TMTC1: variants seen among roughly 807,000 people sequenced by gnomAD.
TMTC1 encodes transmembrane O-mannosyltransferase targeting cadherins 1, also known as protein O-mannosyl-transferase TMTC1.
TMTC1 carries 73 observed loss-of-function variants against 104.8 expected under a neutral mutation model. The ratio of observed to expected loss-of-function variants is 0.70; its 90% CI spans 0.58 to 0.85. TMTC1 has a LOEUF of 0.85. Ranked by LOEUF, TMTC1 falls within the 40% of genes least tolerant of loss-of-function variation. TMTC1 has a pLI of 0.00. For synonymous variants in TMTC1, 434 were observed against 428.7 expected, an observed-to-expected ratio of 1.01 and a Z score of -0.15; for missense variants, 1,035 against 1,096.1, an observed-to-expected ratio of 0.94 and a Z score of 0.79.
intron 5 of TMTC1, among the ~76,000 whole-genome samples, chr12:29,728,054 T>A (rs570181216): frequency 6.6e-6 from 1 of 152,304 alleles, no homozygotes; most frequent in East Asian, 1.9e-4. Context: ...TTCGAAAAAG[T>A]AGGAGCTTTA....
rs188222942 is a variant in TMTC1 at position 29,645,495 on chromosome 12, C to T, written c.939-12159G>A. Among the ~76,000 whole-genome samples the T allele has an allele frequency of 2.6e-4, 39 of 152,268 alleles. No homozygotes were observed. The East Asian group carries it at 6.4e-3, about 25-fold the overall frequency. On this transcript the variant is annotated intron_variant, in intron 5 of 17. Transcript: ENST00000539277. ...TTGTCTTTCTGACCTTTTACATGTGCCATTAATATAGTAATCTTATTAATA... is the reference window on the plus strand; with the variant it reads ...TTGTCTTTCTGACCTTTTACATGTGTCATTAATATAGTAATCTTATTAATA...
intron 6 of TMTC1, among the ~76,000 whole-genome samples, chr12:29,608,827 C>T (rs916750641): frequency 6.6e-6 from 1 of 152,106 alleles, no homozygotes; most frequent in Non-Finnish European, 1.5e-5. Flanking sequence ...TTCTCAGAGC[C>T]GTAAATTGCC....
chr12:29,750,813 C>A (rs1943072019), intron 5 of TMTC1, among the ~76,000 whole-genome samples: 1 of 152,316 alleles, frequency 6.6e-6, no homozygotes, highest in African/African-American at 2.4e-5. Flanking sequence ...AAAATGAAAC[C>A]AAGCTTAACC....
intron 1 of TMTC1, among the ~76,000 whole-genome samples, chr12:29,775,966 G>T (rs1202691538): frequency 6.6e-6 from 1 of 152,070 alleles, no homozygotes; most frequent in Non-Finnish European, 1.5e-5. Context: ...CAAGGGATCA[G>T]AAGTTTCCTC....
intron 5 of TMTC1, among the ~76,000 whole-genome samples, chr12:29,727,790 G>A (rs79661318): frequency 2.2e-3 from 235 of 108,378 alleles, no homozygotes; most frequent in African/African-American, 6.2e-3. Flanking sequence ...GCAGTTTTTT[G>A]TTTTGTTTTG....
In TMTC1 at chr12:29,783,874, G is replaced by A; in HGVS notation, c.-123C>T. The stretch of plus-strand genomic sequence containing the variant: ...GCTCGGGCATGGTGCTGCGGCAGCT[G>A]GACCCGCCGCGAGCTCCCCGCGCTC... On this transcript the variant is annotated 5_prime_UTR_variant, in exon 1 of 18. Coordinates refer to ENST00000539277, the MANE Select transcript of TMTC1 (RefSeq NM_001193451.2). This position sits in a 1 kb window ranked among gnomAD's most constrained non-coding sequence, Gnocchi z 4.7. 1 of 959,474 alleles carries A rather than the reference G, an allele frequency of 1.0e-6. No homozygotes were observed. The highest frequency in any genetic ancestry group is 1.3e-6 in the Non-Finnish European group (1 of 791,332). The allele number at this position is 959,474 out of a possible 1,614,324, so 59.4% of individuals were successfully genotyped here.
intron 10 of TMTC1, among the ~76,000 whole-genome samples, chr12:29,546,521 C>A (rs1215560435): frequency 6.6e-6 from 1 of 152,096 alleles, no homozygotes; most frequent in Non-Finnish European, 1.5e-5. Context: ...ATGCATATTC[C>A]TCTTTCTGTC....
intron 17 of TMTC1, among the ~76,000 whole-genome samples, chr12:29,511,614 G>T (rs1943839427): frequency 6.6e-6 from 1 of 152,172 alleles, no homozygotes; most frequent in South Asian, 2.1e-4. Context: ...GGGAGAAAAG[G>T]TATATTAGAC....
chr12:29,728,957 C>T (rs1195570705), intron 5 of TMTC1, among the ~76,000 whole-genome samples: 2 of 145,338 alleles, frequency 1.4e-5, no homozygotes, highest in Non-Finnish European at 3.0e-5. Flanking sequence ...GAGATCACAC[C>T]ACTGCACTCC....
chr12:29,708,354 A>T (rs2136826544), intron 5 of TMTC1, among the ~76,000 whole-genome samples: 2 of 152,344 alleles, frequency 1.3e-5, no homozygotes, highest in Middle Eastern at 6.8e-3. Context: ...TTTATTTATT[A>T]AATAAATGCA....
At chr12:29,557,101 A>ACAC (rs1056467360) in intron 9 of TMTC1, 101 bp from the exon 10 acceptor site, 26 of 1,283,216 alleles carry the variant, frequency 2.0e-5, no homozygotes, top group Non-Finnish European at 1.1e-6. Context: ...CCAAAATGAA[A>ACAC]CACTGAATTA....
At chr12:29,567,988 C>T (rs1027060179) in intron 9 of TMTC1, among the ~76,000 whole-genome samples, 3 of 152,122 alleles carry the variant, frequency 2.0e-5, no homozygotes, top group African/African-American at 7.2e-5. Flanking sequence ...GTACTCAATC[C>T]TTTATTACTT....
chr12:29,624,740 C>T (rs1056228800), intron 6 of TMTC1, among the ~76,000 whole-genome samples: 5 of 152,180 alleles, frequency 3.3e-5, no homozygotes, highest in Admixed American at 3.3e-4. Context: ...CAAATCAAGA[C>T]ATATTTTAAG....
chr12:29,772,891 A>G (rs1943626219), intron 1 of TMTC1, among the ~76,000 whole-genome samples: 1 of 152,174 alleles, frequency 6.6e-6, no homozygotes. Flanking sequence ...TTGTCATTGT[A>G]TCCATCTCAC....
intron 2 of TMTC1, among the ~76,000 whole-genome samples, chr12:29,761,572 T>C (rs1213896126): frequency 2.7e-5 from 2 of 75,184 alleles, no homozygotes; most frequent in Non-Finnish European, 5.2e-5. Flanking sequence ...TACATATCCA[T>C]GCATTTCTCG....
chr12:29,724,906 T>C (rs1213790045), intron 5 of TMTC1, among the ~76,000 whole-genome samples: 4 of 151,222 alleles, frequency 2.6e-5, no homozygotes, highest in Non-Finnish European at 5.9e-5. Flanking sequence ...AAATAGATTA[T>C]ACAAAAGTAA....
chr12:29,715,775 G>C (rs1367101170), intron 5 of TMTC1, among the ~76,000 whole-genome samples: 2 of 152,092 alleles, frequency 1.3e-5, no homozygotes, highest in Non-Finnish European at 2.9e-5. Flanking sequence ...TCTTCACAGG[G>C]TGGCAGGAGA....
At chr12:29,619,368 G>A (rs1170680573) in intron 6 of TMTC1, among the ~76,000 whole-genome samples, 4 of 152,180 alleles carry the variant, frequency 2.6e-5, no homozygotes, top group African/African-American at 4.8e-5. Context: ...CACATGACAC[G>A]AGGAAAGAGG....
intron 5 of TMTC1, among the ~76,000 whole-genome samples, chr12:29,673,950 G>T (rs1234990350): frequency 6.6e-6 from 1 of 151,588 alleles, no homozygotes; most frequent in African/African-American, 2.4e-5. Context: ...GTAGAGACAG[G>T]GTTTCTCCAG....
Sources: gnomAD v4.1 joint callset for allele counts (sites outside exome capture counted in the v4.1 genomes callset) on GRCh38, gnomAD v4.1.1 for gene constraint, Gnocchi (gnomAD v3.1) non-coding constraint, MANE v1.5 for transcripts, NCBI Gene and HGNC (gene_info 2026-07-23, HGNC 2026-07-21) for gene names.